Variants in SMCO4 observed in about 807,000 individuals in gnomAD.
The protein encoded by SMCO4 is single-pass membrane and coiled-coil domain-containing protein 4.
SMCO4 carries 4 observed loss-of-function variants against 3.6 expected under a neutral mutation model. That is an observed-to-expected ratio of 1.11 (90% CI 0.54 to 2.53). SMCO4 has a LOEUF of 2.53. Ranked by LOEUF, SMCO4 falls within the 30% of genes most tolerant of loss-of-function variation. The pLI, the probability that SMCO4 is intolerant of heterozygous loss-of-function variation, is 0.02. For synonymous variants in SMCO4, 36 were observed against 35.3 expected (o/e 1.02, Z -0.07); for missense variants, 70 against 80.8 (o/e 0.87, Z 0.51).
At chr11:93,489,046 G>T (rs1948684141) in intron 2 of SMCO4, among the ~76,000 whole-genome samples, 1 of 152,180 alleles carries the variant, frequency 6.6e-6, no homozygotes, top group Non-Finnish European at 1.5e-5. Flanking sequence ...ATTGGAGTAA[G>T]TCTGAGGGAG....
intron 1 of SMCO4, among the ~76,000 whole-genome samples, chr11:93,534,528 T>C (rs759258805): frequency 6.6e-6 from 1 of 152,092 alleles, no homozygotes; most frequent in Non-Finnish European, 1.5e-5. Context: ...GTGAGGCAGG[T>C]ACTAATTATT....
At chr11:93,500,639 G>C (rs1443948923) in intron 1 of SMCO4, among the ~76,000 whole-genome samples, 1 of 152,160 alleles carries the variant, frequency 6.6e-6, no homozygotes, top group East Asian at 1.9e-4. Flanking sequence ...CCAAGTAAAG[G>C]AGTTTGGACT....
In SMCO4 at chr11:93,513,781, G is replaced by A. The variant is rs368246730; in HGVS notation, c.-153-14433C>T. 2.1e-3 allele frequency among the ~76,000 whole-genome samples: 323 copies of A among 152,286 alleles called. 1 individual carries two copies. Among genetic ancestry groups the A allele is most frequent in the African/African-American group, 7.5e-3 (313 of 41,552 alleles). ...TATAGAGAGATTTCACATCAGAATC[G>A]TAGTTATTAATAAGGAATGCATTTT... On this transcript the variant is annotated intron_variant, in intron 1 of 2. Coordinates refer to ENST00000298966, the MANE Select transcript of SMCO4 (RefSeq NM_020179.3).
At chr11:93,516,619 A>G (rs1949009916) in intron 1 of SMCO4, among the ~76,000 whole-genome samples, 1 of 152,030 alleles carries the variant, frequency 6.6e-6, no homozygotes, top group African/African-American at 2.4e-5. Context: ...GTGAAACCCC[A>G]TCTCTACTAA....
At position 93,479,145 on chromosome 11, in the gene SMCO4, G is replaced by A; in HGVS notation, c.45C>T (p.Asp15=). 1 of 1,614,048 alleles carries A rather than the reference G, an allele frequency of 6.2e-7. No homozygotes were observed. The highest frequency in any genetic ancestry group is 8.5e-7 in the Non-Finnish European group (1 of 1,180,028). ...KGKPKKETSK[D]KKERKQAMQE... is the part of the protein sequence containing the mutation. ...GCATGGCTTGCTTCCGCTCCTTCTT[G>A]TCCTTGGAGGTCTCCTTCTTGGGCT... is the stretch of plus-strand genomic sequence containing the variant. Residue 15 remains aspartate, a synonymous_variant, in exon 3 of 3, where the codon GAC becomes GAT. Transcript: ENST00000298966.
chr11:93,479,481 T>C (rs1186410952), intron 2 of SMCO4, among the ~76,000 whole-genome samples: 1 of 152,160 alleles, frequency 6.6e-6, no homozygotes, highest in African/African-American at 2.4e-5. Context: ...GGGCCTCCGC[T>C]CCAGCGCCAG....
chr11:93,488,395 AAAGGGCTAAGGCAAGGAAATC>A (rs1379030960), intron 2 of SMCO4, among the ~76,000 whole-genome samples: 4 of 152,240 alleles, frequency 2.6e-5, no homozygotes, highest in Non-Finnish European at 4.4e-5. Context: ...TGCAGCTGTG[AAAGGGCTAAGGCAAGGAAATC>A]AGTGAAGATG....
chr11:93,532,158 A>G (rs1323332010), intron 1 of SMCO4, among the ~76,000 whole-genome samples: 4 of 135,500 alleles, frequency 3.0e-5, no homozygotes, highest in South Asian at 2.4e-4. Context: ...CCTGTCTCAG[A>G]TATTCAGAGT....
chr11:93,494,181 T>C (rs574998418), intron 2 of SMCO4, among the ~76,000 whole-genome samples: 11 of 152,272 alleles, frequency 7.2e-5, no homozygotes, highest in African/African-American at 2.4e-4. Flanking sequence ...AAAAATAATA[T>C]GGTAGTAACA....
chr11:93,520,500 A>C (rs1235675197), intron 1 of SMCO4, among the ~76,000 whole-genome samples: 1 of 152,224 alleles, frequency 6.6e-6, no homozygotes, highest in East Asian at 1.9e-4. Context: ...GCAGGACAGG[A>C]ACCTAAATCC....
rs1948553996 is a variant in SMCO4, at chr11:93,478,958, C to A, written c.*52G>T. 1 of 1,554,224 alleles carries A rather than the reference C, an allele frequency of 6.4e-7. No individual in the cohort carries two copies. Among genetic ancestry groups the A allele is most frequent in the Non-Finnish European group, 8.7e-7 (1 of 1,151,468 alleles). The stretch of plus-strand genomic sequence containing the variant: ...TGAAAGCCATTTTTTGTTTGCGTCC[C>A]CCTCCCGCGCCTCCTCTCCCTGCCG... On this transcript the variant is annotated 3_prime_UTR_variant, in exon 3 of 3. Transcript: ENST00000298966.
chr11:93,511,834 A>T (rs1948960055), intron 1 of SMCO4, among the ~76,000 whole-genome samples: 1 of 152,232 alleles, frequency 6.6e-6, no homozygotes, highest in South Asian at 2.1e-4. Flanking sequence ...GAAAGTGCTC[A>T]GTGAGCTGCC....
intron 2 of SMCO4, among the ~76,000 whole-genome samples, chr11:93,486,535 G>A (rs1165215011): frequency 2.0e-5 from 3 of 152,206 alleles, no homozygotes; most frequent in African/African-American, 7.2e-5. Context: ...CTACACGCTG[G>A]CTGGGCAGTC....
At chr11:93,498,503 G>A (rs970688092) in intron 2 of SMCO4, among the ~76,000 whole-genome samples, 8 of 152,202 alleles carry the variant, frequency 5.3e-5, no homozygotes, top group Non-Finnish European at 2.9e-5. Flanking sequence ...CGGAGAAGGG[G>A]GCTGGGGAGC....
intron 2 of SMCO4, among the ~76,000 whole-genome samples, chr11:93,494,110 C>T (rs1159514175): frequency 6.6e-6 from 1 of 152,128 alleles, no homozygotes; most frequent in Admixed American, 6.5e-5. Flanking sequence ...AACCACTGTC[C>T]ATGGAGGCAA....
In SMCO4 at chr11:93,478,870, TCAAA is replaced by T. The variant is rs1426025923; in HGVS notation, c.*136_*139del. 7.0e-7 allele frequency: 1 copy of T among 1,429,896 alleles called. No individual in the cohort carries two copies. Among genetic ancestry groups the T allele is most frequent in the African/African-American group, 1.4e-5 (1 of 69,638 alleles). 88.6% of individuals were successfully genotyped at this position (1,429,896 alleles called of 1,614,324 possible). On this transcript the variant is annotated 3_prime_UTR_variant, in exon 3 of 3. Coordinates refer to ENST00000298966, the MANE Select transcript of SMCO4 (RefSeq NM_020179.3). ...AGAAAGCGGAGATACTTTAATCAAG[TCAAA>T]GACCAGAGAAGACAGGGTGCTCCTG...
intron 2 of SMCO4, among the ~76,000 whole-genome samples, chr11:93,495,360 G>T (rs1411048978): frequency 2.0e-5 from 3 of 151,924 alleles, no homozygotes; most frequent in African/African-American, 7.3e-5. Context: ...TAATTACCTT[G>T]GGGAAGGCCT....
the SMCO4 span, among the ~76,000 whole-genome samples, chr11:93,551,115 A>G: frequency 3.9e-5 from 6 of 152,258 alleles, no homozygotes; most frequent in African/African-American, 1.4e-4. Context: ...CAAAAAAGAC[A>G]TATACTCCTT....
intron 1 of SMCO4, among the ~76,000 whole-genome samples, chr11:93,519,177 T>G (rs1342344053): frequency 6.6e-6 from 1 of 152,154 alleles, no homozygotes; most frequent in Non-Finnish European, 1.5e-5. Context: ...TTCAGCATTT[T>G]TATGAGGCCT....
Sources: allele counts gnomAD v4.1 joint callset (sites outside exome capture counted in the v4.1 genomes callset), GRCh38; gene constraint gnomAD v4.1.1; transcripts MANE v1.5; gene names NCBI Gene and HGNC (gene_info 2026-07-23, HGNC 2026-07-21).